CFAP74: variants seen among roughly 807,000 people sequenced by gnomAD.
The protein encoded by CFAP74 is cilia and flagella associated protein 74, also known as cilia- and flagella-associated protein 74.
Under a neutral mutation model 188.9 loss-of-function variants are expected in CFAP74, and 124 were observed. The ratio of observed to expected loss-of-function variants is 0.66; its 90% CI spans 0.57 to 0.76. CFAP74 has a LOEUF of 0.76. Among genes scored for constraint, CFAP74 ranks in the 30% least tolerant of loss-of-function variants. The pLI is 0.00. For missense variants in CFAP74, 2,198 were observed against 2,165.2 expected, an observed-to-expected ratio of 1.02 and a Z score of -0.30; for synonymous variants, 956 against 916.7, an observed-to-expected ratio of 1.04 and a Z score of -0.77.
rs544429524 is a variant in CFAP74, at chr1:1,966,530, C to T, written c.1246-4G>A. The T allele has an allele frequency of 6.5e-7, 1 of 1,541,932 alleles. No homozygotes were observed. Among genetic ancestry groups the T allele is most frequent in the South Asian group, 1.2e-5 (1 of 82,488 alleles). On this transcript the variant is annotated splice_region_variant and splice_polypyrimidine_tract_variant and intron_variant, in intron 11 of 38. Transcript: ENST00000682832. ...GGCCTGCAGCAGCCTCGTAGTCCTG[C>T]AGTCGGGGAGAGGAACATCGCAAAG...
intron 1 of CFAP74, among the ~76,000 whole-genome samples, chr1:1,991,636 A>G (rs1023758552): frequency 4.0e-5 from 6 of 151,896 alleles, no homozygotes. Flanking sequence ...GGAATTCCAT[A>G]AGAAAAGAGA....
chr1:1,959,871 C>A, intron 15 of CFAP74, 93 bp downstream of exon 15: 1 of 1,119,060 alleles, frequency 8.9e-7, no homozygotes, highest in South Asian at 1.6e-5. Context: ...CAAGTGCATC[C>A]TTCCCCCATC....
intron 16 of CFAP74, among the ~76,000 whole-genome samples, chr1:1,957,115 A>G (rs997582403): frequency 1.3e-5 from 2 of 152,200 alleles, no homozygotes; most frequent in Non-Finnish European, 2.9e-5. Context: ...GGATGGTGTC[A>G]TTCCTGGGTG....
At chr1:1,987,755 T>C (rs558111166) in intron 4 of CFAP74, among the ~76,000 whole-genome samples, 2 of 152,222 alleles carry the variant, frequency 1.3e-5, no homozygotes, top group East Asian at 3.9e-4. Flanking sequence ...TTGGCCAGGC[T>C]GGTCTCAAAC....
At chr1:1,926,070 C>G in intron 32 of CFAP74, 132 bp from the exon 33 acceptor site, 34 of 1,404,294 alleles carry the variant, frequency 2.4e-5, no homozygotes, top group Non-Finnish European at 3.0e-5. Flanking sequence ...GCTCCGCTCA[C>G]TTGGCGGCTG....
At chr1:1,924,909 T>A (rs949056096) in intron 33 of CFAP74, among the ~76,000 whole-genome samples, 1 of 152,198 alleles carries the variant, frequency 6.6e-6, no homozygotes, top group African/African-American at 2.4e-5. Context: ...GGGCTCTGCC[T>A]CCAGGACCCG....
intron 1 of CFAP74, among the ~76,000 whole-genome samples, chr1:1,991,395 T>C (rs6605075): frequency 0.95 from 144,944 of 152,274 alleles, 69,062 homozygotes; most frequent in East Asian, 1. Flanking sequence ...AACAGTATCC[T>C]CGAGTATCAC....
At chr1:1,992,035 G>A (rs574999560) in intron 1 of CFAP74, among the ~76,000 whole-genome samples, 22 of 123,490 alleles carry the variant, frequency 1.8e-4, no homozygotes, top group South Asian at 1.1e-3. Context: ...GCGAGACTCC[G>A]TCTCAAAAAA....
chr1:1,923,958 C>T lies in CFAP74; in HGVS notation c.4235-29G>A, dbSNP rs1651607169. The T allele has an allele frequency of 4.4e-6, 7 of 1,586,958 alleles. No individual in the cohort carries two copies. The highest frequency in any genetic ancestry group is 4.3e-6 in the Non-Finnish European group (5 of 1,166,490). Reference sequence around the variant, plus strand: ...CGGGTAGGGTGGGGTGCAGTTTGGCCTTCTCCACCTGCAATCACTGTCTGC... The same window carrying T: ...CGGGTAGGGTGGGGTGCAGTTTGGCTTTCTCCACCTGCAATCACTGTCTGC... On this transcript the variant is annotated intron_variant, in intron 34 of 38. Coordinates refer to ENST00000682832, the MANE Select transcript of CFAP74 (RefSeq NM_001304360.2). The surrounding 1 kb of genome is among the most constrained non-coding windows in gnomAD (Gnocchi z 6.3).
In CFAP74 at chr1:1,924,474, T is replaced by C; in HGVS notation, c.4151A>G (p.Asp1384Gly). The C allele has an allele frequency of 6.3e-7, 1 of 1,588,200 alleles. No homozygotes were observed. The highest frequency in any genetic ancestry group is 8.6e-7 in the Non-Finnish European group (1 of 1,168,432). Residue 1384 changes from aspartate (D) to glycine (G), a missense_variant, in exon 34 of 39, where the codon GAC (aspartate) becomes GGC (glycine). Coordinates refer to ENST00000682832, the MANE Select transcript of CFAP74 (RefSeq NM_001304360.2). ...CCGGCCCCGGGTGCTGGAGAGGCTGTCCAGGTGCATGGAGAACTTGATGGG... is the reference window on the plus strand; with the variant it reads ...CCGGCCCCGGGTGCTGGAGAGGCTGCCCAGGTGCATGGAGAACTTGATGGG... ...LLPIKFSMHL[D>G]SLSSTRGRGQ...
intron 4 of CFAP74, among the ~76,000 whole-genome samples, chr1:1,987,793 G>GC (rs1252596409): frequency 2.0e-5 from 3 of 152,104 alleles, no homozygotes; most frequent in African/African-American, 7.2e-5. Flanking sequence ...ACCCACCTTG[G>GC]CCTCCCAAAG....
rs969978962 is a variant in CFAP74, at chr1:1,970,679, C to T, written c.1026G>A (p.Gln342=). The change falls in exon 10 of 39, where the codon CAG becomes CAA. Residue 342 remains glutamine (Q), a synonymous_variant. Coordinates refer to ENST00000682832, the MANE Select transcript of CFAP74 (RefSeq NM_001304360.2). The part of the protein sequence containing the change: ...FRHLVHQRRR[Q]ELEAQKRAFE... ...CTCACCTCTTCTGGGCCTCCAGCTC[C>T]TGGCGCCGGCGCTGGTGGACAAGGT... 15 of 1,611,330 alleles carry T rather than the reference C, an allele frequency of 9.3e-6. No individual in the cohort carries two copies. Among genetic ancestry groups the T allele is most frequent in the African/African-American group, 1.3e-5 (1 of 75,042 alleles).
Position 1,966,420 on chromosome 1 carries a change from G to A in CFAP74, c.1352C>T (p.Ala451Val). 6.2e-7 allele frequency: 1 copy of A among 1,604,062 alleles called. No homozygotes were observed. The highest frequency in any genetic ancestry group is 8.5e-7 in the Non-Finnish European group (1 of 1,174,476). ...PGASSEEETLAEPEISGLWNE... is the reference protein window; with the variant it reads ...PGASSEEETLVEPEISGLWNE... The stretch of plus-strand genomic sequence containing the variant: ...CCAAAGCCCAGAGATCTCGGGCTCA[G>A]CTAACGTTTCCTCCTCTGAGCTGGC... Residue 451 changes from alanine to valine, a missense_variant, in exon 12 of 39, where the codon GCT (alanine) becomes GTT (valine). By Grantham distance (64) the Ala-to-Val change is moderately conservative. Coordinates refer to ENST00000682832, the MANE Select transcript of CFAP74 (RefSeq NM_001304360.2).
chr1:1,981,361 G>A (rs975960377), intron 6 of CFAP74, among the ~76,000 whole-genome samples: 17 of 152,294 alleles, frequency 1.1e-4, no homozygotes, highest in Non-Finnish European at 8.8e-5. Flanking sequence ...GCGGGAAAGC[G>A]CCTGGAACCC....
At chr1:1,934,940 T>TGACCCCTGGCATTCCTGACAGTG (rs1330547793) in intron 25 of CFAP74, among the ~76,000 whole-genome samples, 1,728 of 88,974 alleles carry the variant, frequency 0.019, 222 homozygotes, top group Non-Finnish European at 0.024. Flanking sequence ...CACAGGTGTG[T>TGACCCCTGGCATTCCTGACAGTG]ACGTGGGTGT....
chr1:1,931,599 TGCTGGCGG>T (rs1652383369), intron 25 of CFAP74, among the ~76,000 whole-genome samples: 1 of 147,204 alleles, frequency 6.8e-6, no homozygotes, highest in African/African-American at 2.6e-5. Flanking sequence ...TAGCTGGGTG[TGCTGGCGG>T]GCGCCTGTAG....
chr1:1,959,004 A>G (rs2102064535), intron 16 of CFAP74, 116 bp downstream of exon 16: 5 of 688,882 alleles, frequency 7.3e-6, no homozygotes, highest in South Asian at 6.9e-5. Flanking sequence ...TGAAGATTGG[A>G]GCTTCCACCT....
chr1:1,927,899 C>T, intron 27 of CFAP74, 153 bp from the exon 28 acceptor site: 1 of 772,198 alleles, frequency 1.3e-6, no homozygotes, highest in South Asian at 1.8e-5. Flanking sequence ...CCGAGGAAGA[C>T]AGTAGCCAGT....
intron 18 of CFAP74, among the ~76,000 whole-genome samples, chr1:1,951,678 T>G (rs931112173): frequency 6.6e-6 from 1 of 152,266 alleles, no homozygotes. Context: ...TTAAAAAATC[T>G]TCCTGGAATT....
Sources: gnomAD v4.1 joint callset for allele counts (sites outside exome capture counted in the v4.1 genomes callset) on GRCh38, gnomAD v4.1.1 for gene constraint, Gnocchi (gnomAD v3.1) non-coding constraint, MANE v1.5 for transcripts, NCBI Gene and HGNC (gene_info 2026-07-23, HGNC 2026-07-21) for gene names.